Variants in ALDH1L1 observed in about 807,000 individuals in gnomAD.
The protein encoded by ALDH1L1 is cytosolic 10-formyltetrahydrofolate dehydrogenase.
A neutral mutation model predicts 101.1 loss-of-function variants in ALDH1L1; 68 were observed. The observed-to-expected ratio is 0.67, with a 90% CI of 0.55 to 0.82. The LOEUF (loss-of-function observed/expected upper bound fraction) is 0.82. Ranked by LOEUF, ALDH1L1 falls within the 40% of genes least tolerant of loss-of-function variation. ALDH1L1 has a pLI of 0.00. For missense variants in ALDH1L1, 1,087 were observed against 1,172.7 expected, an observed-to-expected ratio of 0.93 and a Z score of 1.07; for synonymous variants, 486 against 470.8, an observed-to-expected ratio of 1.03 and a Z score of -0.42.
At chr3:126,191,418 A>T (rs1255824860) in intron 1 of ALDH1L1, among the ~76,000 whole-genome samples, 1 of 152,140 alleles carries the variant, frequency 6.6e-6, no homozygotes, top group Non-Finnish European at 1.5e-5. Context: ...GTTTTCCCTC[A>T]TGCCTGATTG....
intron 1 of ALDH1L1, among the ~76,000 whole-genome samples, chr3:126,196,708 G>T (rs977297314): frequency 6.6e-6 from 1 of 152,184 alleles, no homozygotes; most frequent in African/African-American, 2.4e-5. Flanking sequence ...TTTAAAGGTA[G>T]CTCAGAGAAA....
At chr3:126,156,329 T>C (rs910477431) in intron 4 of ALDH1L1, 2 of 152,242 alleles carry the variant, frequency 1.3e-5, no homozygotes, top group Non-Finnish European at 2.9e-5. Flanking sequence ...CCAGCAACTC[T>C]ACTTTGTTCA....
At chr3:126,183,451 C>G (rs1304475664), upstream of ALDH1L1, among the ~76,000 whole-genome samples, 1 of 152,048 alleles carries the variant, frequency 6.6e-6, no homozygotes, top group Non-Finnish European at 1.5e-5. Context: ...CGGATATGAA[C>G]CTGGGCTGCA....
intron 12 of ALDH1L1, chr3:126,135,288 C>G: frequency 5.2e-6 from 2 of 385,094 alleles, no homozygotes; most frequent in South Asian, 3.1e-5. Flanking sequence ...CTCACCTCCA[C>G]CAGGCACCTC....
intron 22 of ALDH1L1, 78 bp from the exon 23 acceptor site, chr3:126,103,924 C>T (rs1945765924): frequency 8.5e-6 from 13 of 1,526,052 alleles, no homozygotes; most frequent in African/African-American, 4.1e-5. Flanking sequence ...TCTTATTCCT[C>T]AGCAACCACG....
At chr3:126,157,576 C>T (rs2080940318) in intron 3 of ALDH1L1, 68 bp from the exon 4 acceptor site, 2 of 1,531,650 alleles carry the variant, frequency 1.3e-6, no homozygotes, top group Non-Finnish European at 1.8e-6. Context: ...TGGGTACAGG[C>T]CCGTGGACCT....
intron 15 of ALDH1L1, among the ~76,000 whole-genome samples, chr3:126,125,359 G>A (rs114354188): frequency 0.048 from 7,314 of 152,226 alleles, 553 homozygotes; most frequent in African/African-American, 0.17. Flanking sequence ...CTGCTCACCC[G>A]AGCAGCTGCA....
chr3:126,148,023 G>T (rs941059591), intron 8 of ALDH1L1, among the ~76,000 whole-genome samples: 2 of 152,154 alleles, frequency 1.3e-5, no homozygotes, highest in Admixed American at 1.3e-4. Flanking sequence ...CAAAACCTTT[G>T]CTGGCTACTC....
chr3:126,149,319 A>G (rs756063934), intron 8 of ALDH1L1, among the ~76,000 whole-genome samples: 2 of 152,220 alleles, frequency 1.3e-5, no homozygotes, highest in African/African-American at 4.8e-5. Flanking sequence ...CCATTGAGGA[A>G]GGGCTTGTTA....
chr3:126,174,397 A>G (rs528184884), intron 1 of ALDH1L1, among the ~76,000 whole-genome samples: 3 of 152,358 alleles, frequency 2.0e-5, no homozygotes, highest in African/African-American at 4.8e-5. Context: ...AGCACCATCA[A>G]TTAAGTGTAT....
At chr3:126,165,802 G>A (rs1473373758) in intron 1 of ALDH1L1, among the ~76,000 whole-genome samples, 1 of 152,030 alleles carries the variant, frequency 6.6e-6, no homozygotes, top group East Asian at 1.9e-4. Context: ...TACTTATTTG[G>A]ATCTTCTCTT....
chr3:126,123,025 A>T (rs1033726400), intron 16 of ALDH1L1, among the ~76,000 whole-genome samples: 15 of 152,324 alleles, frequency 9.8e-5, no homozygotes, highest in Non-Finnish European at 4.4e-5. Context: ...AAAAAACAAG[A>T]TCTGACTATA....
chr3:126,104,072 T>C, intron 22 of ALDH1L1: 1 of 590,728 alleles, frequency 1.7e-6, no homozygotes. Context: ...GAGGCAGCCA[T>C]TTAAGAATCT....
chr3:126,130,424 G>A, intron 13 of ALDH1L1, 131 bp from the exon 14 acceptor site: 1 of 720,776 alleles, frequency 1.4e-6, no homozygotes. Flanking sequence ...TGAGGCTTGA[G>A]AGACAGGCAG....
intron 9 of ALDH1L1, among the ~76,000 whole-genome samples, chr3:126,144,897 G>A (rs2080643128): frequency 6.6e-6 from 1 of 152,254 alleles, no homozygotes; most frequent in East Asian, 1.9e-4. Context: ...CAATCAGCAT[G>A]GAATGCGAGA....
chr3:126,123,180 A>G (rs2080111206), intron 16 of ALDH1L1, among the ~76,000 whole-genome samples: 1 of 152,126 alleles, frequency 6.6e-6, no homozygotes, highest in Non-Finnish European at 1.5e-5. Flanking sequence ...CACAAAAACG[A>G]TCATGAAAGA....
At chr3:126,184,607 G>A (rs1008272700), upstream of ALDH1L1, among the ~76,000 whole-genome samples, 4 of 152,182 alleles carry the variant, frequency 2.6e-5, no homozygotes, top group African/African-American at 9.7e-5. Flanking sequence ...GGAAAGCAGT[G>A]TGCACTTACA....
chr3:126,111,122 G>A (rs919897633), intron 19 of ALDH1L1, among the ~76,000 whole-genome samples: 5 of 152,336 alleles, frequency 3.3e-5, no homozygotes, highest in Admixed American at 3.3e-4. Flanking sequence ...CGGGCCCATC[G>A]TGGCAGTGGG....
Position 126,105,744 on chromosome 3 carries a change from CA to C in ALDH1L1, c.2634del (p.Gly879AspfsTer6). 6.8e-6 allele frequency: 11 copies of C among 1,614,184 alleles called. No homozygotes were observed. Among genetic ancestry groups the C allele is most frequent in the Non-Finnish European group, 7.6e-6 (9 of 1,180,036 alleles). The stretch of plus-strand genomic sequence containing the variant: ...AGGTTACCTAGATCTTTGCCAAATC[CA>C]GACTGTTTGAATCCTCCGAAGGGAG... Reference protein sequence around the residue: ...VAAPFGGFKQSGFGKDLGEAA... With the variant: ...VAAPFGGFKQXGFGKDLGEAA... On this transcript the variant is annotated frameshift_variant, in exon 22 of 23. Coordinates refer to ENST00000393434, the MANE Select transcript of ALDH1L1 (RefSeq NM_012190.4). LOFTEE classifies it high-confidence loss of function.
Sources: gnomAD v4.1 joint callset for allele counts (sites outside exome capture counted in the v4.1 genomes callset) on GRCh38, gnomAD v4.1.1 for gene constraint, MANE v1.5 for transcripts, NCBI Gene and HGNC (gene_info 2026-07-23, HGNC 2026-07-21) for gene names.